AMPH: variants seen among roughly 807,000 people sequenced by gnomAD.
AMPH encodes amphiphysin, also known as amphiphysin (Stiff-Mann syndrome with breast cancer 128kD autoantigen).
A neutral mutation model predicts 99.1 loss-of-function variants in AMPH; 49 were observed. The ratio of observed to expected loss-of-function variants is 0.49; its 90% CI spans 0.39 to 0.63. The LOEUF is 0.63. Ranked by LOEUF, AMPH falls within the 20% of genes least tolerant of loss-of-function variation. The pLI, the probability that AMPH is intolerant of heterozygous loss-of-function variation, is 0.00. For missense variants in AMPH, 759 were observed against 863.4 expected (o/e 0.88, Z 1.52); for synonymous variants, 314 against 317.3 (o/e 0.99, Z 0.11).
At chr7:38,555,618 A>T (rs1405667273) in intron 1 of AMPH, among the ~76,000 whole-genome samples, 1 of 152,188 alleles carries the variant, frequency 6.6e-6, no homozygotes, top group Non-Finnish European at 1.5e-5. Context: ...TAATAAATTC[A>T]TTTCCAGAAT....
chr7:38,548,108 A>G (rs1157589785), intron 1 of AMPH, among the ~76,000 whole-genome samples: 1 of 149,404 alleles, frequency 6.7e-6, no homozygotes, highest in Non-Finnish European at 1.5e-5. Flanking sequence ...CGCTCACGGC[A>G]AGCTCCACCT....
chr7:38,555,379 TG>T (rs1230173267), intron 1 of AMPH, among the ~76,000 whole-genome samples: 2 of 152,166 alleles, frequency 1.3e-5, no homozygotes, highest in Non-Finnish European at 2.9e-5. Context: ...TACTCCAGCC[TG>T]GGTGGCAGAG....
At position 38,494,547 on chromosome 7, in the gene AMPH, A is replaced by G. The variant is rs138051591; in HGVS notation, c.206-20T>C. 1.8e-5 allele frequency: 28 copies of G among 1,599,358 alleles called. 1 individual carries two copies. The African/African-American group carries it at 2.8e-4, about 16-fold the overall frequency. On this transcript the variant is annotated intron_variant, in intron 3 of 20. Coordinates refer to ENST00000356264, the MANE Select transcript of AMPH (RefSeq NM_001635.4). ...GCATGCCTAGTGTTGGAGAGAAACA[A>G]CTCCCGTTACACAGAAATGAGTGAG... is the stretch of plus-strand genomic sequence containing the variant.
intron 1 of AMPH, among the ~76,000 whole-genome samples, chr7:38,610,836 G>T: frequency 6.6e-6 from 1 of 152,150 alleles, no homozygotes; most frequent in East Asian, 1.9e-4. Context: ...AGCTCATAGA[G>T]ACAAGAGTTA....
At chr7:38,439,387 T>A (rs1786416263) in intron 11 of AMPH, among the ~76,000 whole-genome samples, 1 of 152,212 alleles carries the variant, frequency 6.6e-6, no homozygotes, top group Admixed American at 6.5e-5. Flanking sequence ...TACTTAGCTT[T>A]GCCCTCTTAA....
intron 2 of AMPH, among the ~76,000 whole-genome samples, chr7:38,517,043 A>G (rs1789773912): frequency 6.6e-6 from 1 of 152,116 alleles, no homozygotes; most frequent in Admixed American, 6.5e-5. Context: ...TTCTATTTTT[A>G]CAGGCTCATA....
chr7:38,625,189 G>T (rs1200806845), intron 1 of AMPH, among the ~76,000 whole-genome samples: 4 of 152,108 alleles, frequency 2.6e-5, no homozygotes, highest in African/African-American at 9.7e-5. Context: ...GAAGACCCAG[G>T]ATGACATGTA....
At chr7:38,509,746 A>G (rs1183960695) in intron 2 of AMPH, among the ~76,000 whole-genome samples, 1 of 152,234 alleles carries the variant, frequency 6.6e-6, no homozygotes, top group Non-Finnish European at 1.5e-5. Flanking sequence ...GCTAGAGCAC[A>G]GTATTTAATA....
At chr7:38,629,484 T>G (rs148938728) in intron 1 of AMPH, among the ~76,000 whole-genome samples, 84 of 152,296 alleles carry the variant, frequency 5.5e-4, no homozygotes, top group African/African-American at 1.9e-3. Flanking sequence ...CACTTGACCT[T>G]GATCGTGAAA....
intron 11 of AMPH, among the ~76,000 whole-genome samples, chr7:38,436,774 G>A (rs948051168): frequency 6.6e-6 from 1 of 152,184 alleles, no homozygotes; most frequent in East Asian, 1.9e-4. Flanking sequence ...GATAAAATGG[G>A]CCAAGATCTG....
intron 5 of AMPH, among the ~76,000 whole-genome samples, chr7:38,477,882 G>C (rs1479841894): frequency 6.6e-6 from 1 of 151,850 alleles, no homozygotes; most frequent in Non-Finnish European, 1.5e-5. Flanking sequence ...AATAATTGCT[G>C]TAGGCAAAAG....
At chr7:38,565,319 A>G (rs532198222) in intron 1 of AMPH, among the ~76,000 whole-genome samples, 16 of 152,252 alleles carry the variant, frequency 1.1e-4, no homozygotes, top group African/African-American at 3.8e-4. Flanking sequence ...AGGGCTGTCA[A>G]TAACAAAATA....
chr7:38,411,227 T>G (rs1384061583), intron 17 of AMPH, among the ~76,000 whole-genome samples: 3 of 152,198 alleles, frequency 2.0e-5, no homozygotes, highest in African/African-American at 7.2e-5. Flanking sequence ...TGTGAGAGAA[T>G]GCATGACAAT....
chr7:38,554,350 C>T (rs532622881), intron 1 of AMPH, among the ~76,000 whole-genome samples: 4 of 152,246 alleles, frequency 2.6e-5, no homozygotes, highest in African/African-American at 9.6e-5. Context: ...CTATAGAAGG[C>T]TAAAATCAGT....
chr7:38,555,604 T>G (rs73364826), intron 1 of AMPH, among the ~76,000 whole-genome samples: 3,776 of 152,286 alleles, frequency 0.025, 150 homozygotes, highest in African/African-American at 0.086. Context: ...AATGCTAGGC[T>G]TAATAATAAA....
At chr7:38,501,846 C>T (rs892933972) in intron 3 of AMPH, among the ~76,000 whole-genome samples, 30 of 152,024 alleles carry the variant, frequency 2.0e-4, no homozygotes, top group Admixed American at 1.2e-3. Context: ...ATCCTCCCAG[C>T]AATACATGAA....
At chr7:38,486,245 TGAAAG>T (rs1386037924) in intron 5 of AMPH, among the ~76,000 whole-genome samples, 2 of 134,780 alleles carry the variant, frequency 1.5e-5, no homozygotes, top group Non-Finnish European at 3.2e-5. Context: ...AAATCAGAAA[TGAAAG>T]GTGATATATT....
intron 1 of AMPH, among the ~76,000 whole-genome samples, chr7:38,603,314 CAA>C (rs59085219): frequency 0.022 from 2,131 of 94,892 alleles, 43 homozygotes; most frequent in African/African-American, 0.076. Context: ...GACTCTGTCT[CAA>C]AAAAAAAAAA....
chr7:38,535,163 G>C (rs1199733417), intron 1 of AMPH, 152 bp from the exon 2 acceptor site: 2 of 656,688 alleles, frequency 3.0e-6, no homozygotes, highest in Admixed American at 5.8e-5. Flanking sequence ...GAAGCATCTT[G>C]GCTTGGCAGC....
Sources: allele counts gnomAD v4.1 joint callset (sites outside exome capture counted in the v4.1 genomes callset), GRCh38; gene constraint gnomAD v4.1.1; transcripts MANE v1.5; gene names NCBI Gene and HGNC (gene_info 2026-07-23, HGNC 2026-07-21).